TNIK: variants seen among roughly 807,000 people sequenced by gnomAD.
The protein encoded by TNIK is TRAF2 and NCK interacting kinase, also known as TRAF2 and NCK-interacting protein kinase.
Under a neutral mutation model 191.3 loss-of-function variants are expected in TNIK, and 49 were observed. The ratio of observed to expected loss-of-function variants is 0.26; its 90% CI spans 0.20 to 0.32. The LOEUF (loss-of-function observed/expected upper bound fraction) is 0.32, where lower values mean the gene tolerates loss of function less well. Among genes scored for constraint, TNIK ranks in the 10% least tolerant of loss-of-function variants. The pLI, the probability that TNIK is intolerant of heterozygous loss-of-function variation, is 1.00. For synonymous variants in TNIK, 594 were observed against 600.9 expected, an observed-to-expected ratio of 0.99 and a Z score of 0.17; for missense variants, 1,155 against 1,702.3, an observed-to-expected ratio of 0.68 and a Z score of 5.66.
chr3:171,397,904 C>G (rs1396439900), intron 1 of TNIK, among the ~76,000 whole-genome samples: 1 of 152,078 alleles, frequency 6.6e-6, no homozygotes, highest in Non-Finnish European at 1.5e-5. Context: ...AAACTAAAAC[C>G]AAATAATAAA....
chr3:171,106,725 T>C (rs779820068), intron 21 of TNIK: 2 of 534,766 alleles, frequency 3.7e-6, no homozygotes, highest in Non-Finnish European at 3.8e-6. Context: ...TCTGATGCTG[T>C]TGTTAATGTC....
intron 28 of TNIK, 129 bp downstream of exon 28, chr3:171,079,389 G>T (rs1022391429): frequency 1.9e-6 from 2 of 1,063,892 alleles, no homozygotes; most frequent in Middle Eastern, 2.6e-4. Flanking sequence ...AATGCTGAAG[G>T]TTCCAGCAAC....
chr3:171,450,784 C>T (rs1192902840), intron 1 of TNIK, among the ~76,000 whole-genome samples: 1 of 152,140 alleles, frequency 6.6e-6, no homozygotes, highest in African/African-American at 2.4e-5. Flanking sequence ...ATTGCATTCA[C>T]ACAATTGATA....
chr3:171,141,820 AG>A (rs1348094086), intron 12 of TNIK, among the ~76,000 whole-genome samples: 1 of 152,218 alleles, frequency 6.6e-6, no homozygotes, highest in East Asian at 1.9e-4. Flanking sequence ...GGGACATACC[AG>A]GGGGACCATT....
intron 9 of TNIK, among the ~76,000 whole-genome samples, chr3:171,169,537 G>A (rs1039390157): frequency 2.0e-5 from 3 of 152,128 alleles, no homozygotes; most frequent in Admixed American, 6.5e-5. Context: ...CAAAGTGCTG[G>A]TATTACAGGC....
intron 7 of TNIK, 83 bp downstream of exon 7, chr3:171,188,619 A>G: frequency 6.7e-7 from 1 of 1,503,048 alleles, no homozygotes. Flanking sequence ...GACATAAATC[A>G]TAAATATAAG....
intron 1 of TNIK, among the ~76,000 whole-genome samples, chr3:171,431,292 G>C (rs994915064): frequency 7.9e-5 from 12 of 152,054 alleles, no homozygotes; most frequent in African/African-American, 2.9e-4. Context: ...ACAGAATACA[G>C]TGGTAGCTGC....
intron 1 of TNIK, among the ~76,000 whole-genome samples, chr3:171,378,060 A>G (rs1717503885): frequency 6.6e-6 from 1 of 152,240 alleles, no homozygotes; most frequent in Admixed American, 6.5e-5. Flanking sequence ...ACAATGAGCC[A>G]AATGGCTGGG....
At chr3:171,314,085 G>A (rs1035492059) in intron 2 of TNIK, among the ~76,000 whole-genome samples, 7 of 152,124 alleles carry the variant, frequency 4.6e-5, no homozygotes, top group South Asian at 2.1e-4. Flanking sequence ...TCATAAGCAC[G>A]CAGATATATA....
At chr3:171,219,992 C>T (rs1443737925) in intron 3 of TNIK, among the ~76,000 whole-genome samples, 1 of 152,108 alleles carries the variant, frequency 6.6e-6, no homozygotes, top group African/African-American at 2.4e-5. Context: ...GGAGCCAACC[C>T]AAATGCCCAT....
Position 171,161,292 on chromosome 3 carries a change from C to T in TNIK, c.994G>A (p.Glu332Lys), listed in dbSNP as rs1195777010. The T allele has an allele frequency of 1.9e-6, 3 of 1,613,212 alleles. No homozygotes were observed. Among genetic ancestry groups the T allele is most frequent in the African/African-American group, 2.7e-5 (2 of 74,916 alleles). The change falls in exon 11 of 33, where the codon GAG becomes AAG. Residue 332 changes from glutamate (E) to lysine (K), a missense_variant. Glu to Lys is a moderately conservative substitution (Grantham distance 56). Around this residue, in one of 3 missense-constraint regions of TNIK, gnomAD observed 225 missense variants for 438.9 expected, o/e 0.51. Coordinates refer to ENST00000436636, the MANE Select transcript of TNIK (RefSeq NM_015028.4). ...TACCTGGGCTCTCCTGAGTCATTCT[C>T]CTCCTCTTCTTCCTCACTTCCACTG... ...EYSGSEEEEE[E>K]NDSGEPSSIL... is the part of the protein sequence containing the mutation.
chr3:171,306,886 G>T (rs1753509378), intron 2 of TNIK, among the ~76,000 whole-genome samples: 1 of 152,236 alleles, frequency 6.6e-6, no homozygotes, highest in South Asian at 2.1e-4. Flanking sequence ...GTGTTCTGCT[G>T]CCGTGGTGAT....
At position 171,128,701 on chromosome 3, in the gene TNIK, A is replaced by AG. The variant is rs777442457; in HGVS notation, c.1773+12dup. On this transcript the variant is annotated intron_variant, in intron 16 of 32. Coordinates refer to ENST00000436636, the MANE Select transcript of TNIK (RefSeq NM_015028.4). ...CTTATTGGAATGCCTGATGGAATGG[A>AG]GGCAGACTGTACCTGGGGATCGACT... 4.4e-6 allele frequency: 7 copies of AG among 1,604,478 alleles called. No homozygotes were observed. Among genetic ancestry groups the AG allele is most frequent in the Non-Finnish European group, 6.0e-6 (7 of 1,175,016 alleles).
intron 2 of TNIK, among the ~76,000 whole-genome samples, chr3:171,368,216 G>T (rs1166123346): frequency 2.6e-5 from 4 of 152,154 alleles, no homozygotes; most frequent in Non-Finnish European, 5.9e-5. Flanking sequence ...TATATTCTAT[G>T]GGTGGGAAAC....
intron 2 of TNIK, among the ~76,000 whole-genome samples, chr3:171,295,991 A>C (rs1752246379): frequency 6.6e-6 from 1 of 152,224 alleles, no homozygotes; most frequent in Admixed American, 6.5e-5. Flanking sequence ...ATTCAGTGTC[A>C]CTGAGGTATT....
At chr3:171,358,229 A>C (rs1341443615) in intron 2 of TNIK, among the ~76,000 whole-genome samples, 1 of 152,224 alleles carries the variant, frequency 6.6e-6, no homozygotes, top group East Asian at 1.9e-4. Context: ...AAAATGTATT[A>C]GTCTGTTTTT....
At chr3:171,278,974 G>A (rs1750113549) in intron 2 of TNIK, among the ~76,000 whole-genome samples, 1 of 152,118 alleles carries the variant, frequency 6.6e-6, no homozygotes, top group South Asian at 2.1e-4. Context: ...TTATTGATTG[G>A]AGCCTGTTGC....
intron 28 of TNIK, among the ~76,000 whole-genome samples, chr3:171,075,750 T>C (rs1719818876): frequency 6.6e-6 from 1 of 151,924 alleles, no homozygotes; most frequent in Non-Finnish European, 1.5e-5. Context: ...TTTTTTTTTT[T>C]CTTTGAGATG....
chr3:171,359,072 A>G (rs1013456085), intron 2 of TNIK, among the ~76,000 whole-genome samples: 2 of 152,162 alleles, frequency 1.3e-5, no homozygotes, highest in Admixed American at 6.5e-5. Flanking sequence ...AATGTACTTA[A>G]TGCTGCTGAA....
Sources: gnomAD v4.1 joint callset for allele counts (sites outside exome capture counted in the v4.1 genomes callset) on GRCh38, gnomAD v4.1.1 for gene constraint, gnomAD v4.1.1 regional missense constraint, MANE v1.5 for transcripts, NCBI Gene and HGNC (gene_info 2026-07-23, HGNC 2026-07-21) for gene names.